KCNB2: variants seen among roughly 807,000 people sequenced by gnomAD.
The protein encoded by KCNB2 is potassium voltage-gated channel subfamily B member 2.
A neutral mutation model predicts 61.5 loss-of-function variants in KCNB2; 15 were observed. The ratio of observed to expected loss-of-function variants is 0.24; its 90% CI spans 0.16 to 0.38. KCNB2 has a LOEUF of 0.38. Ranked by LOEUF, KCNB2 falls within the 10% of genes least tolerant of loss-of-function variation. The pLI, the probability that KCNB2 is intolerant of heterozygous loss-of-function variation, is 1.00. For missense variants in KCNB2, 828 were observed against 1,125.2 expected (o/e 0.74, Z 3.78); for synonymous variants, 457 against 446.0 (o/e 1.02, Z -0.31).
intron 1 of KCNB2, among the ~76,000 whole-genome samples, chr8:72,549,370 T>G (rs577400919): frequency 6.6e-6 from 1 of 152,326 alleles, no homozygotes; most frequent in South Asian, 2.1e-4. Context: ...AAAAGTATAT[T>G]TCTCATTCAC....
intron 2 of KCNB2, among the ~76,000 whole-genome samples, chr8:72,756,293 T>C (rs757443280): frequency 1.3e-5 from 2 of 152,110 alleles, no homozygotes; most frequent in African/African-American, 4.8e-5. Flanking sequence ...TGTCTCCCTA[T>C]ACCCTGTCCC....
chr8:72,704,950 T>G (rs1356077439), intron 2 of KCNB2, among the ~76,000 whole-genome samples: 1 of 71,204 alleles, frequency 1.4e-5, no homozygotes, highest in Admixed American at 1.1e-4. Flanking sequence ...ATTTTTTAAT[T>G]TAATTTTTTA....
intron 2 of KCNB2, among the ~76,000 whole-genome samples, chr8:72,715,292 G>A (rs533473408): frequency 6.6e-5 from 10 of 152,062 alleles, no homozygotes; most frequent in South Asian, 6.3e-4. Flanking sequence ...AATTGAACTC[G>A]GCTCTGCACC....
intron 2 of KCNB2, among the ~76,000 whole-genome samples, chr8:72,647,590 T>G (rs1485109193): frequency 1.3e-5 from 2 of 152,058 alleles, no homozygotes; most frequent in African/African-American, 2.4e-5. Context: ...GAAAACAGAT[T>G]TTATTCAGTA....
chr8:72,717,476 T>G (rs545306939), intron 2 of KCNB2, among the ~76,000 whole-genome samples: 1 of 152,130 alleles, frequency 6.6e-6, no homozygotes, highest in South Asian at 2.1e-4. Flanking sequence ...TATAGACCAA[T>G]GGAACAGAAC....
chr8:72,559,762 TAGATTA>T (rs1399301186), intron 1 of KCNB2, among the ~76,000 whole-genome samples: 1 of 152,148 alleles, frequency 6.6e-6, no homozygotes, highest in East Asian at 1.9e-4. Flanking sequence ...GACATGGGGA[TAGATTA>T]AGAAAAGTTT....
intron 2 of KCNB2, among the ~76,000 whole-genome samples, chr8:72,571,305 C>T (rs1043197182): frequency 1.3e-5 from 2 of 152,136 alleles, no homozygotes; most frequent in African/African-American, 4.8e-5. Context: ...CTGACAATAG[C>T]AAGTCAACTC....
intron 2 of KCNB2, among the ~76,000 whole-genome samples, chr8:72,727,058 T>G (rs1807662676): frequency 1.3e-5 from 2 of 152,192 alleles, no homozygotes. Context: ...ATATTTTTGC[T>G]CATTGGATTA....
At chr8:72,847,705 G>C (rs1810019721) in intron 2 of KCNB2, among the ~76,000 whole-genome samples, 1 of 151,838 alleles carries the variant, frequency 6.6e-6, no homozygotes. Flanking sequence ...TGCTCAAACT[G>C]AAGAAAATGC....
chr8:72,857,979 A>G (rs1404289608), intron 2 of KCNB2, among the ~76,000 whole-genome samples: 2 of 152,198 alleles, frequency 1.3e-5, no homozygotes, highest in Non-Finnish European at 2.9e-5. Flanking sequence ...CCAAGAAAAA[A>G]GGGAATTTTA....
In KCNB2 at chr8:72,934,832, C is replaced by G. The variant is rs965995647; in HGVS notation, c.580-1103C>G. On this transcript the variant is annotated intron_variant, in intron 2 of 2. Transcript: ENST00000523207. ...AAAGAAGCACTTCCTTTGCCTTACC[C>G]TCAAATCTGCATCCTTCTGCTTGCC... 4.7e-4 allele frequency among the ~76,000 whole-genome samples: 72 copies of G among 151,900 alleles called. 1 individual carries two copies. Among genetic ancestry groups the G allele is most frequent in the African/African-American group, 1.7e-3 (69 of 41,424 alleles).
chr8:72,716,306 A>G (rs1278905978), intron 2 of KCNB2, among the ~76,000 whole-genome samples: 4 of 152,148 alleles, frequency 2.6e-5, no homozygotes, highest in Non-Finnish European at 4.4e-5. Flanking sequence ...TCCCTAACTC[A>G]TTTTATGAGG....
chr8:72,542,784 C>A (rs1247596925), intron 1 of KCNB2, among the ~76,000 whole-genome samples: 3 of 152,120 alleles, frequency 2.0e-5, no homozygotes, highest in Non-Finnish European at 4.4e-5. Flanking sequence ...CAGAGTTCTA[C>A]CATGAAATCC....
At chr8:72,731,230 T>C (rs993198154) in intron 2 of KCNB2, among the ~76,000 whole-genome samples, 4 of 152,230 alleles carry the variant, frequency 2.6e-5, no homozygotes, top group Non-Finnish European at 5.9e-5. Context: ...GAGGATGAAA[T>C]GTTTTGGCTA....
At chr8:72,602,063 G>A (rs1447113586) in intron 2 of KCNB2, among the ~76,000 whole-genome samples, 2 of 152,204 alleles carry the variant, frequency 1.3e-5, no homozygotes, top group East Asian at 3.9e-4. Flanking sequence ...AATGGGGGAG[G>A]GCAGTGAGGG....
intron 2 of KCNB2, among the ~76,000 whole-genome samples, chr8:72,726,113 T>G (rs1417841170): frequency 6.6e-6 from 1 of 152,162 alleles, no homozygotes; most frequent in Non-Finnish European, 1.5e-5. Context: ...GATGGGACTT[T>G]TAAGAGGTAA....
chr8:72,574,506 A>C (rs1806765561), intron 2 of KCNB2, among the ~76,000 whole-genome samples: 1 of 152,226 alleles, frequency 6.6e-6, no homozygotes, highest in Non-Finnish European at 1.5e-5. Flanking sequence ...TTTTTGAAAA[A>C]GTAAATTACC....
At chr8:72,778,311 G>A (rs1313827441) in intron 2 of KCNB2, among the ~76,000 whole-genome samples, 1 of 152,030 alleles carries the variant, frequency 6.6e-6, no homozygotes, top group Non-Finnish European at 1.5e-5. Context: ...TATTTCCATT[G>A]GCCCCTGGCT....
At chr8:72,781,128 T>G (rs1026798800) in intron 2 of KCNB2, among the ~76,000 whole-genome samples, 1 of 152,206 alleles carries the variant, frequency 6.6e-6, no homozygotes, top group African/African-American at 2.4e-5. Context: ...CTTTGTCAGA[T>G]GGATAGAATG....
Sources: gnomAD v4.1 joint callset for allele counts (sites outside exome capture counted in the v4.1 genomes callset) on GRCh38, gnomAD v4.1.1 for gene constraint, MANE v1.5 for transcripts, NCBI Gene and HGNC (gene_info 2026-07-23, HGNC 2026-07-21) for gene names.